The following STAU1 variants were observed in gnomAD, a reference collection of about 807,000 sequenced individuals.
STAU1 encodes the protein double-stranded RNA-binding protein Staufen homolog 1.
STAU1 carries 13 observed loss-of-function variants against 62.9 expected under a neutral mutation model. The ratio of observed to expected loss-of-function variants is 0.21; its 90% confidence interval spans 0.13 to 0.33. The LOEUF (loss-of-function observed/expected upper bound fraction) is 0.33. Among genes scored for constraint, STAU1 ranks in the 10% least tolerant of loss-of-function variants. The probability of loss-of-function intolerance (pLI) is 1.00; values close to 1 mark genes in which losing one functional copy is unlikely to be tolerated. For synonymous variants in STAU1, 269 were observed against 265.1 expected (o/e 1.01, Z -0.14); for missense variants, 571 against 712.1 (o/e 0.80, Z 2.25).
At chr20:49,186,144 G>C (rs2093784235) in intron 1 of STAU1, among the ~76,000 whole-genome samples, 2 of 152,042 alleles carry the variant, frequency 1.3e-5, no homozygotes, top group Admixed American at 1.3e-4. Flanking sequence ...TTAGGAGTTC[G>C]AGACCAGTCT....
At chr20:49,219,245 T>C in the STAU1 span, 9 of 1,160,398 alleles carry the variant, frequency 7.8e-6, no homozygotes, top group African/African-American at 1.4e-4. Flanking sequence ...CCTAAAAAGC[T>C]CCGCCCCTTG....
At chr20:49,181,850 G>C (rs182986931) in intron 1 of STAU1, among the ~76,000 whole-genome samples, 1 of 148,496 alleles carries the variant, frequency 6.7e-6, no homozygotes, top group Non-Finnish European at 1.5e-5. Context: ...TCATTCAGGG[G>C]AAAAGACCCC....
At chr20:49,187,826 C>G (rs1057414838) in intron 1 of STAU1, among the ~76,000 whole-genome samples, 1 of 151,548 alleles carries the variant, frequency 6.6e-6, no homozygotes, top group Non-Finnish European at 1.5e-5. Flanking sequence ...TCGGCATCCC[C>G]GCGCGCGCCA....
intron 13 of STAU1, among the ~76,000 whole-genome samples, chr20:49,115,104 G>A (rs1184623960): frequency 6.6e-6 from 1 of 151,904 alleles, no homozygotes; most frequent in East Asian, 1.9e-4. Context: ...GGAAGAAAAT[G>A]AGGGAAGAAA....
chr20:49,138,241 C>T (rs1164625322), intron 5 of STAU1, among the ~76,000 whole-genome samples: 1 of 152,052 alleles, frequency 6.6e-6, no homozygotes, highest in African/African-American at 2.4e-5. Flanking sequence ...ATGATCACGC[C>T]ACTGCATTCT....
chr20:49,186,546 AAC>A (rs1442765886), intron 1 of STAU1, among the ~76,000 whole-genome samples: 1 of 152,050 alleles, frequency 6.6e-6, no homozygotes, highest in African/African-American at 2.4e-5. Context: ...CACTCAGGTA[AAC>A]ACACACTCCT....
At chr20:49,187,217 G>A (rs1365569196) in intron 1 of STAU1, among the ~76,000 whole-genome samples, 1 of 152,160 alleles carries the variant, frequency 6.6e-6, no homozygotes, top group East Asian at 1.9e-4. Flanking sequence ...GGATGATGGC[G>A]GGGCGGGGAG....
the STAU1 span, among the ~76,000 whole-genome samples, chr20:49,201,602 C>T: frequency 1.6e-4 from 25 of 151,886 alleles, no homozygotes; most frequent in Non-Finnish European, 2.8e-4. Flanking sequence ...ATTAGCCGGG[C>T]GTTGTGGCAG....
At chr20:49,206,751 A>ATATTTTTTTTTT in the STAU1 span, among the ~76,000 whole-genome samples, 62 of 95,014 alleles carry the variant, frequency 6.5e-4, no homozygotes, top group African/African-American at 2.7e-3. Context: ...ATATATATAT[A>ATATTTTTTTTTT]TTTTATTTTA....
At chr20:49,133,391 C>T (rs1031623692) in intron 6 of STAU1, among the ~76,000 whole-genome samples, 2 of 152,186 alleles carry the variant, frequency 1.3e-5, no homozygotes, top group Non-Finnish European at 2.9e-5. Flanking sequence ...ATCTCCCACT[C>T]CCCACGGTCT....
chr20:49,134,145 T>C (rs1293142697), intron 6 of STAU1, among the ~76,000 whole-genome samples: 2 of 152,034 alleles, frequency 1.3e-5, no homozygotes, highest in Non-Finnish European at 2.9e-5. Flanking sequence ...AATTCTCCCT[T>C]ACTGGGCCGG....
chr20:49,210,739 T>C, the STAU1 span, among the ~76,000 whole-genome samples: 12 of 152,194 alleles, frequency 7.9e-5, no homozygotes, highest in Non-Finnish European at 1.5e-5. Flanking sequence ...AAAAATGACT[T>C]TTCTATCATC....
At chr20:49,199,035 A>C in the STAU1 span, among the ~76,000 whole-genome samples, 1 of 150,996 alleles carries the variant, frequency 6.6e-6, no homozygotes, top group Non-Finnish European at 1.5e-5. Flanking sequence ...AATCCCAGCC[A>C]CTCGGGAGGC....
Position 49,159,708 on chromosome 20 carries a change from G to A in STAU1, c.206-5637C>T, listed in dbSNP as rs555474865. Among the ~76,000 whole-genome samples, 29 of 152,062 alleles carry A rather than the reference G, an allele frequency of 1.9e-4. No homozygotes were observed. In the South Asian group the frequency reaches 2.5e-3, roughly 13 times the overall value. On this transcript the variant is annotated intron_variant, in intron 3 of 13. Coordinates refer to ENST00000371856, the MANE Select transcript of STAU1 (RefSeq NM_017453.4). ...CCTGAGTAGCTGGGACTACAGGTGC[G>A]CACCACCACATCCAGCTAATTTTTG...
intron 6 of STAU1, among the ~76,000 whole-genome samples, chr20:49,134,069 G>A (rs1233525680): frequency 2.0e-5 from 3 of 152,152 alleles, no homozygotes; most frequent in Admixed American, 6.6e-5. Flanking sequence ...AATCAAGCAC[G>A]TAAATCAAAA....
rs758527973 is a variant in STAU1 at position 49,120,147 on chromosome 20, A to G, written c.967-19T>C. 1.9e-6 allele frequency: 3 copies of G among 1,607,518 alleles called. 1 individual carries two copies. In the South Asian group the frequency reaches 3.3e-5, roughly 18 times the overall value. ...CCTTCACCTGCACAAAGAAGTCAAA[A>G]CACAGACCAGTGCTTAAACCTTCAG... On this transcript the variant is annotated intron_variant, in intron 8 of 13. Coordinates refer to ENST00000371856, the MANE Select transcript of STAU1 (RefSeq NM_017453.4).
chr20:49,153,127 G>A (rs887148727), intron 4 of STAU1, among the ~76,000 whole-genome samples: 1 of 151,698 alleles, frequency 6.6e-6, no homozygotes, highest in Admixed American at 6.6e-5. Context: ...GCAGGCGCCT[G>A]TAGTCCCAGC....
chr20:49,200,015 C>G, the STAU1 span, among the ~76,000 whole-genome samples: 4 of 152,194 alleles, frequency 2.6e-5, no homozygotes, highest in Non-Finnish European at 5.9e-5. Flanking sequence ...CAGCCAGGAA[C>G]TCTTATTCAT....
At chr20:49,127,330 GACA>G (rs1213142149) in intron 6 of STAU1, among the ~76,000 whole-genome samples, 16 of 152,044 alleles carry the variant, frequency 1.1e-4, no homozygotes, top group African/African-American at 3.6e-4. Flanking sequence ...CTCCAGCCTG[GACA>G]ACAAGAGCGA....
Sources: allele counts gnomAD v4.1 joint callset (sites outside exome capture counted in the v4.1 genomes callset), GRCh38; gene constraint gnomAD v4.1.1; transcripts MANE v1.5; gene names NCBI Gene and HGNC (gene_info 2026-07-23, HGNC 2026-07-21).